E2F3: variants seen among roughly 807,000 people sequenced by gnomAD.
The protein encoded by E2F3 is E2F transcription factor 3.
E2F3 carries 11 observed loss-of-function variants against 44.4 expected under a neutral mutation model. The observed-to-expected ratio is 0.25, with a 90% CI of 0.16 to 0.41. The LOEUF (loss-of-function observed/expected upper bound fraction) is 0.41. Ranked by LOEUF, E2F3 falls within the 10% of genes least tolerant of loss-of-function variation. The probability of loss-of-function intolerance (pLI) is 1.00; values close to 1 mark genes in which losing one functional copy is unlikely to be tolerated. For synonymous variants in E2F3, 249 were observed against 253.0 expected (o/e 0.98, Z 0.15); for missense variants, 487 against 583.6 (o/e 0.83, Z 1.70).
intron 1 of E2F3, among the ~76,000 whole-genome samples, chr6:20,462,907 C>A (rs1173112104): frequency 1.1e-5 from 1 of 92,606 alleles, no homozygotes; most frequent in African/African-American, 4.2e-5. Flanking sequence ...GAGACAGGGT[C>A]TCACTGTATC....
At position 20,492,675 on chromosome 6, in the gene E2F3, A is replaced by C. The variant is rs1762586142; in HGVS notation, c.*2245A>C. 1 of 232,012 alleles carries C rather than the reference A, an allele frequency of 4.3e-6. No homozygotes were observed. The highest frequency in any genetic ancestry group is 8.5e-6 in the Non-Finnish European group (1 of 117,058). 14.4% of individuals were successfully genotyped at this position (232,012 alleles called of 1,614,324 possible). A position where few individuals can be genotyped will look rare whatever the true frequency, so the allele number is the denominator to read the frequency against. On this transcript the variant is annotated 3_prime_UTR_variant, in exon 7 of 7. Transcript: ENST00000346618. ...GTTTTGTTGAATTTTTTCATAATGT[A>C]ATGCCGTATTTATTGTTTTTAAAAT...
chr6:20,430,593 C>T (rs934131197), intron 1 of E2F3, among the ~76,000 whole-genome samples: 4 of 152,182 alleles, frequency 2.6e-5, no homozygotes, highest in Non-Finnish European at 4.4e-5. Flanking sequence ...TTTGACATAA[C>T]ACCTCAATTC....
chr6:20,409,815 G>C lies in E2F3; in HGVS notation c.393+7190G>C, dbSNP rs1165671232. 1.3e-5 allele frequency among the ~76,000 whole-genome samples: 2 copies of C among 152,234 alleles called. 1 individual carries two copies. The highest frequency in any genetic ancestry group is 1.3e-4 in the Admixed American group (2 of 15,288). On this transcript the variant is annotated intron_variant, in intron 1 of 6. Coordinates refer to ENST00000346618, the MANE Select transcript of E2F3 (RefSeq NM_001949.5). ...TGAAACATAATCTAACGTGGCTGTA[G>C]TGCACTGACTCGTTAGGGGCAGCGA... is the stretch of plus-strand genomic sequence containing the variant.
Position 20,402,167 on chromosome 6 carries a change from A to G in E2F3, c.-66A>G. The G allele has an allele frequency of 6.7e-7, 1 of 1,488,738 alleles. No homozygotes were observed. Among genetic ancestry groups the G allele is most frequent in the Non-Finnish European group, 8.9e-7 (1 of 1,126,702 alleles). 92.2% of individuals were successfully genotyped at this position (1,488,738 alleles called of 1,614,324 possible). ...GGAGAGACTTGGAAACTCCGACTGC[A>G]AATAATAAAGAAATTGAAAACAATA... is the stretch of plus-strand genomic sequence containing the variant. On this transcript the variant is annotated 5_prime_UTR_variant, in exon 1 of 7. Transcript: ENST00000346618. This position sits in a 1 kb window ranked among gnomAD's most constrained non-coding sequence, Gnocchi z 5.6.
At chr6:20,451,451 C>G (rs1761128174) in intron 1 of E2F3, among the ~76,000 whole-genome samples, 1 of 152,056 alleles carries the variant, frequency 6.6e-6, no homozygotes, top group Non-Finnish European at 1.5e-5. Context: ...GCTTAAGGAG[C>G]TTTTGGGCTG....
chr6:20,446,585 A>G (rs919699975), intron 1 of E2F3, among the ~76,000 whole-genome samples: 2 of 152,204 alleles, frequency 1.3e-5, no homozygotes, highest in African/African-American at 2.4e-5. Flanking sequence ...TTAGAGACAG[A>G]GTCTTGCTGT....
At chr6:20,438,429 G>T (rs1222072351) in intron 1 of E2F3, among the ~76,000 whole-genome samples, 3 of 152,018 alleles carry the variant, frequency 2.0e-5, no homozygotes, top group East Asian at 1.9e-4. Context: ...ACTGGGCTTT[G>T]CCTCAAGGTG....
chr6:20,436,574 C>T (rs372928881), intron 1 of E2F3, among the ~76,000 whole-genome samples: 53 of 152,098 alleles, frequency 3.5e-4, no homozygotes, highest in Admixed American at 1.0e-3. Flanking sequence ...ACATGCGGCC[C>T]GTGGGCCGGA....
intron 1 of E2F3, among the ~76,000 whole-genome samples, chr6:20,453,490 C>T (rs551082861): frequency 3.1e-4 from 47 of 152,282 alleles, no homozygotes; most frequent in African/African-American, 1.0e-3. Context: ...TGACGGCTCA[C>T]TGCAGCCTCG....
chr6:20,402,065 G>A lies in E2F3; in HGVS notation c.-168G>A. The A allele has an allele frequency of 1.2e-5, 15 of 1,219,858 alleles. No individual in the cohort carries two copies. Among genetic ancestry groups the A allele is most frequent in the Non-Finnish European group, 1.6e-5 (15 of 926,054 alleles). The allele number at this position is 1,219,858 out of a possible 1,614,324, so 75.6% of individuals were successfully genotyped here. On this transcript the variant is annotated 5_prime_UTR_variant, in exon 1 of 7. Coordinates refer to ENST00000346618, the MANE Select transcript of E2F3 (RefSeq NM_001949.5). This position sits in a 1 kb window ranked among gnomAD's most constrained non-coding sequence, Gnocchi z 5.6. ...AGCCCCGATTATTTTTGGCCCCCGG[G>A]GCCTGTGCGGTGCGGAAAAATAAAA...
chr6:20,422,307 A>G (rs1760055869), intron 1 of E2F3, among the ~76,000 whole-genome samples: 1 of 152,160 alleles, frequency 6.6e-6, no homozygotes, highest in South Asian at 2.1e-4. Flanking sequence ...AGCTGATGAG[A>G]TTTAGGGCCT....
intron 1 of E2F3, among the ~76,000 whole-genome samples, chr6:20,473,513 ATAAT>A (rs1761955380): frequency 6.6e-6 from 1 of 152,196 alleles, no homozygotes; most frequent in African/African-American, 2.4e-5. Flanking sequence ...TTGTTGTGTA[ATAAT>A]TAATACTAAA....
At chr6:20,436,723 C>T (rs1026033680) in intron 1 of E2F3, among the ~76,000 whole-genome samples, 2 of 152,312 alleles carry the variant, frequency 1.3e-5, no homozygotes, top group African/African-American at 4.8e-5. Context: ...GAACACGCTG[C>T]CTGGGATTTA....
intron 3 of E2F3, among the ~76,000 whole-genome samples, chr6:20,482,341 T>G (rs964807135): frequency 9.4e-5 from 12 of 127,572 alleles, no homozygotes; most frequent in African/African-American, 3.2e-4. Flanking sequence ...GTTGTTTTTT[T>G]GTTTTTTTTT....
intron 1 of E2F3, among the ~76,000 whole-genome samples, chr6:20,471,927 T>G (rs944426120): frequency 2.0e-5 from 3 of 152,050 alleles, no homozygotes; most frequent in Non-Finnish European, 4.4e-5. Flanking sequence ...TTTTTTTATA[T>G]TACACATATC....
At chr6:20,451,084 T>A (rs999608678) in intron 1 of E2F3, among the ~76,000 whole-genome samples, 3 of 152,234 alleles carry the variant, frequency 2.0e-5, no homozygotes, top group African/African-American at 7.2e-5. Flanking sequence ...TTGTTCTTTT[T>A]GCTTAGGATT....
intron 1 of E2F3, among the ~76,000 whole-genome samples, chr6:20,466,458 G>A (rs992621255): frequency 6.6e-6 from 1 of 152,132 alleles, no homozygotes; most frequent in Non-Finnish European, 1.5e-5. Flanking sequence ...CAGAAGTAAG[G>A]TAGTATTGCA....
rs1762213317 is a variant in E2F3 at position 20,481,186 on chromosome 6, G to A, written c.506-20G>A. ...CTTTCCCCCTATCCCCCACCCGCTC[G>A]GTTTTTGTTTTTCTTTAAGCTCCAA... On this transcript the variant is annotated intron_variant, in intron 2 of 6. Transcript: ENST00000346618. The A allele has an allele frequency of 3.1e-6, 5 of 1,611,688 alleles. No individual in the cohort carries two copies. Among genetic ancestry groups the A allele is most frequent in the African/African-American group, 2.7e-5 (2 of 74,886 alleles).
Position 20,430,558 on chromosome 6 carries a change from T to G in E2F3, c.393+27933T>G, listed in dbSNP as rs6930666. 6.1e-3 allele frequency among the ~76,000 whole-genome samples: 936 copies of G among 152,316 alleles called. 13 individuals carry two copies. The highest frequency in any genetic ancestry group is 0.021 in the African/African-American group (885 of 41,566). The stretch of plus-strand genomic sequence containing the variant: ...GCTTGAATAAACTGGAGTTAGTTGT[T>G]CACGTGACATTCAGAAGTACCATAT... On this transcript the variant is annotated intron_variant, in intron 1 of 6. Coordinates refer to ENST00000346618, the MANE Select transcript of E2F3 (RefSeq NM_001949.5).
Sources: gnomAD v4.1 joint callset for allele counts (sites outside exome capture counted in the v4.1 genomes callset) on GRCh38, gnomAD v4.1.1 for gene constraint, Gnocchi (gnomAD v3.1) non-coding constraint, MANE v1.5 for transcripts, NCBI Gene and HGNC (gene_info 2026-07-23, HGNC 2026-07-21) for gene names.